Variants in SDK1 observed in about 807,000 individuals in gnomAD.
SDK1 encodes the protein sidekick cell adhesion molecule 1, also known as protein sidekick-1.
In SDK1, 157 loss-of-function variants were observed where a neutral mutation model predicts 245.5. The observed-to-expected ratio is 0.64, with a 90% CI of 0.56 to 0.73. The LOEUF (loss-of-function observed/expected upper bound fraction) is 0.73, where lower values mean the gene tolerates loss of function less well. Ranked by LOEUF, SDK1 falls within the 30% of genes least tolerant of loss-of-function variation. SDK1 has a pLI of 0.00. For synonymous variants in SDK1, 1,647 were observed against 1,278.5 expected, an observed-to-expected ratio of 1.29 and a Z score of -6.15; for missense variants, 3,583 against 3,002.3, an observed-to-expected ratio of 1.19 and a Z score of -4.52.
rs567142626 is a variant in SDK1 at position 3,421,105 on chromosome 7, T to C, written c.298+119221T>C. Among the ~76,000 whole-genome samples the C allele has an allele frequency of 1.3e-3, 190 of 151,996 alleles. 4 individuals carry two copies. In the South Asian group the frequency reaches 0.038, roughly 30 times the overall value. On this transcript the variant is annotated intron_variant, in intron 1 of 44. Coordinates refer to ENST00000404826, the MANE Select transcript of SDK1 (RefSeq NM_152744.4). ...ATCTGTACTCTCCTTTTTTTTTTTT[T>C]TGGTGGCCCAGGCTGGAGTGCAGTG...
intron 1 of SDK1, among the ~76,000 whole-genome samples, chr7:3,484,559 T>C (rs1487045912): frequency 1.3e-5 from 2 of 152,212 alleles, no homozygotes; most frequent in African/African-American, 4.8e-5. Context: ...AACTGTACAA[T>C]AGTTAACTAT....
At chr7:3,657,698 G>T (rs1783231518) in intron 4 of SDK1, among the ~76,000 whole-genome samples, 1 of 152,216 alleles carries the variant, frequency 6.6e-6, no homozygotes, top group South Asian at 2.1e-4. Context: ...CATTCCTGGA[G>T]GCAGGGCCAG....
intron 1 of SDK1, among the ~76,000 whole-genome samples, chr7:3,452,158 GTGTT>G (rs1780533830): frequency 1.3e-5 from 2 of 152,196 alleles, no homozygotes; most frequent in Admixed American, 1.3e-4. Flanking sequence ...TCTGTTCAGT[GTGTT>G]TGGGGCTTTT....
chr7:3,337,642 C>A (rs1040672755), intron 1 of SDK1, among the ~76,000 whole-genome samples: 2 of 152,180 alleles, frequency 1.3e-5, no homozygotes, highest in Non-Finnish European at 2.9e-5. Context: ...CTGAAAGTAG[C>A]TGGAGTTTAA....
intron 19 of SDK1, among the ~76,000 whole-genome samples, chr7:4,064,586 C>T (rs1402271100): frequency 6.6e-6 from 1 of 152,136 alleles, no homozygotes; most frequent in Admixed American, 6.6e-5. Context: ...GGAAAGGAGT[C>T]AGTGCATCAA....
At chr7:4,175,571 T>C (rs1191146528) in intron 33 of SDK1, among the ~76,000 whole-genome samples, 1 of 152,202 alleles carries the variant, frequency 6.6e-6, no homozygotes, top group Non-Finnish European at 1.5e-5. Context: ...CCTTGTTGTT[T>C]ACGAGGAGGT....
At chr7:4,217,266 G>A (rs186216459) in intron 38 of SDK1, among the ~76,000 whole-genome samples, 2,509 of 109,618 alleles carry the variant, frequency 0.023, 328 homozygotes, top group Non-Finnish European at 0.04. Context: ...CACACCACCC[G>A]GAGCACCAGG....
rs1403986962 is a variant in SDK1 at position 4,164,662 on chromosome 7, G to C, written c.4800+2806G>C. On this transcript the variant is annotated intron_variant, in intron 32 of 44. Coordinates refer to ENST00000404826, the MANE Select transcript of SDK1 (RefSeq NM_152744.4). ...ATAAAGGCAGTGAGCATCAGGGCTG[G>C]GATGCGTCACCTCCTCCAAACAATG... Among the ~76,000 whole-genome samples, 3 of 152,188 alleles carry C rather than the reference G, an allele frequency of 2.0e-5. No homozygotes were observed. In the East Asian group the frequency reaches 5.8e-4, roughly 29 times the overall value.
intron 44 of SDK1, among the ~76,000 whole-genome samples, chr7:4,256,981 AGT>A (rs1787675359): frequency 1.3e-5 from 2 of 151,968 alleles, no homozygotes; most frequent in Admixed American, 6.6e-5. Context: ...TTATGTCCTA[AGT>A]GTCACACGAC....
chr7:3,880,629 T>TC (rs1321033159), intron 5 of SDK1, among the ~76,000 whole-genome samples: 1 of 129,814 alleles, frequency 7.7e-6, no homozygotes, highest in African/African-American at 2.9e-5. Context: ...CTGAACTAAA[T>TC]CCCAGAGGGC....
At chr7:3,337,927 C>T (rs1201630631) in intron 1 of SDK1, 1 of 152,240 alleles carries the variant, frequency 6.6e-6, no homozygotes, top group African/African-American at 2.4e-5. Flanking sequence ...AAACATAAGG[C>T]TCTGAATTTC....
chr7:4,073,582 G>A (rs1285550028), intron 20 of SDK1, among the ~76,000 whole-genome samples: 4 of 152,100 alleles, frequency 2.6e-5, no homozygotes, highest in African/African-American at 9.7e-5. Context: ...AAATTTTCTG[G>A]CAGACAAGTT....
intron 22 of SDK1, among the ~76,000 whole-genome samples, chr7:4,080,629 T>A (rs1419187139): frequency 6.6e-6 from 1 of 152,036 alleles, no homozygotes; most frequent in Non-Finnish European, 1.5e-5. Flanking sequence ...GACCCACAAA[T>A]GGGGCTGGAA....
chr7:3,375,468 C>T (rs1200442799), intron 1 of SDK1, among the ~76,000 whole-genome samples: 2 of 152,148 alleles, frequency 1.3e-5, no homozygotes, highest in Non-Finnish European at 2.9e-5. Context: ...TATTCTTATC[C>T]GTGTATAGAC....
chr7:3,603,982 C>A (rs1021422291), intron 1 of SDK1, among the ~76,000 whole-genome samples: 26 of 152,022 alleles, frequency 1.7e-4, no homozygotes, highest in African/African-American at 5.8e-4. Context: ...GCTGGATTAC[C>A]TTTATTGATT....
chr7:3,424,726 A>G (rs373284991), intron 1 of SDK1, among the ~76,000 whole-genome samples: 13 of 152,142 alleles, frequency 8.5e-5, no homozygotes, highest in African/African-American at 1.4e-4. Context: ...AGGAGACTCT[A>G]TCTCTACAAA....
At position 4,220,154 on chromosome 7, in the gene SDK1, G is replaced by A. The variant is rs769844497; in HGVS notation, c.5585G>A (p.Arg1862His). 1.7e-5 allele frequency: 28 copies of A among 1,613,924 alleles called. No individual in the cohort carries two copies. The highest frequency in any genetic ancestry group is 4.0e-5 in the African/African-American group (3 of 74,892). ...VTVEVRGNWQ[R>H]WLKVRDLTKG... The stretch of plus-strand genomic sequence containing the variant: ...GTGGAAGTGAGAGGGAACTGGCAGC[G>A]CTGGCTGAAGGTGCGGGACCTCACC... The change falls in exon 39 of 45, where the codon CGC becomes CAC. Residue 1862 changes from arginine (R) to histidine (H), a missense_variant. Transcript: ENST00000404826.
chr7:3,799,793 G>C (rs1353309041), intron 4 of SDK1, among the ~76,000 whole-genome samples: 1 of 150,600 alleles, frequency 6.6e-6, no homozygotes, highest in East Asian at 2.0e-4. Context: ...GAGTTTACTT[G>C]CTCCTCCAAA....
chr7:3,926,376 G>C (rs180863456), intron 5 of SDK1, among the ~76,000 whole-genome samples: 1 of 152,328 alleles, frequency 6.6e-6, no homozygotes, highest in Non-Finnish European at 1.5e-5. Flanking sequence ...AGTCTGTTAT[G>C]TTTTGTCTAT....
Sources: allele counts gnomAD v4.1 joint callset (sites outside exome capture counted in the v4.1 genomes callset), GRCh38; gene constraint gnomAD v4.1.1; transcripts MANE v1.5; gene names NCBI Gene and HGNC (gene_info 2026-07-23, HGNC 2026-07-21).